The following TBC1D32 variants were observed in gnomAD, a reference collection of about 807,000 sequenced individuals.
TBC1D32 encodes TBC1 domain family member 32.
In TBC1D32, 151 loss-of-function variants were observed where a neutral mutation model predicts 170.3. The ratio of observed to expected loss-of-function variants is 0.89; its 90% CI spans 0.78 to 1.01. TBC1D32 has a LOEUF of 1.01. Ranked by LOEUF, TBC1D32 falls within the 50% of genes least tolerant of loss-of-function variation. TBC1D32 has a pLI of 0.00. For missense variants in TBC1D32, 1,464 were observed against 1,457.1 expected (o/e 1.00, Z -0.08); for synonymous variants, 498 against 488.0 (o/e 1.02, Z -0.27).
chr6:121,108,980 GA>G (rs147976183), intron 29 of TBC1D32, among the ~76,000 whole-genome samples: 202 of 152,128 alleles, frequency 1.3e-3, no homozygotes, highest in African/African-American at 4.7e-3. Context: ...TATAATTCTA[GA>G]TAATATCAAT....
intron 31 of TBC1D32, among the ~76,000 whole-genome samples, chr6:121,086,119 G>C (rs1163630084): frequency 3.9e-5 from 6 of 151,964 alleles, no homozygotes; most frequent in Non-Finnish European, 7.4e-5. Context: ...TCTAGTAGAG[G>C]GATGTAGCAA....
intron 23 of TBC1D32, 85 bp downstream of exon 23, chr6:121,160,862 TA>T (rs1250341596): frequency 1.0e-6 from 1 of 980,178 alleles, no homozygotes; most frequent in African/African-American, 1.6e-5. Context: ...ATTTAAGAGG[TA>T]AAGTTTAGGG....
rs535910060 is a variant in TBC1D32 at position 121,283,008 on chromosome 6, C to A, written c.1465+810G>T. 3.3e-5 allele frequency among the ~76,000 whole-genome samples: 5 copies of A among 151,892 alleles called. No individual in the cohort carries two copies. In the East Asian group the frequency reaches 9.6e-4, roughly 29 times the overall value. ...AGAAGGTACATGTGTCAGCTTGTTA[C>A]ATGGATATACTGAATAATGGTGAGA... On this transcript the variant is annotated intron_variant, in intron 13 of 31. Coordinates refer to ENST00000398212, the MANE Select transcript of TBC1D32 (RefSeq NM_152730.6).
At chr6:121,192,066 T>TTATATATATATATATATATATATATA (rs1554263739) in intron 22 of TBC1D32, among the ~76,000 whole-genome samples, 2 of 122,414 alleles carry the variant, frequency 1.6e-5, no homozygotes, top group African/African-American at 6.9e-5. Context: ...AAACTACCCT[T>TTATATATATATATATATATATATATA]TATATATATA....
chr6:121,080,487 T>G lies in TBC1D32; in HGVS notation c.*284A>C, dbSNP rs555650346. 14 of 267,516 alleles carry G rather than the reference T, an allele frequency of 5.2e-5. No individual in the cohort carries two copies. In the East Asian group the frequency reaches 1.4e-3, roughly 27 times the overall value. The allele number at this position is 267,516 out of a possible 1,614,324, so 16.6% of individuals were successfully genotyped here. ...CCTCAGACTCCCAAAGTGCTGGGATTACAGGCATGAGCCACCGCGCCTGGC... is the reference window on the plus strand; with the variant it reads ...CCTCAGACTCCCAAAGTGCTGGGATGACAGGCATGAGCCACCGCGCCTGGC... On this transcript the variant is annotated 3_prime_UTR_variant, in exon 32 of 32. Transcript: ENST00000398212.
chr6:121,133,027 T>C (rs1047007816), intron 24 of TBC1D32, among the ~76,000 whole-genome samples: 2 of 151,880 alleles, frequency 1.3e-5, no homozygotes, highest in African/African-American at 2.4e-5. Context: ...TTGAAAGAGA[T>C]TTTGATAAAA....
chr6:121,214,177 A>G (rs1324889376), intron 21 of TBC1D32, among the ~76,000 whole-genome samples: 2 of 152,192 alleles, frequency 1.3e-5, no homozygotes, highest in African/African-American at 4.8e-5. Context: ...CAAAACTATA[A>G]AAACCCTGAA....
chr6:121,213,543 TA>T (rs1307434537), intron 21 of TBC1D32, among the ~76,000 whole-genome samples: 2 of 104,188 alleles, frequency 1.9e-5, no homozygotes, highest in Admixed American at 9.5e-5. Flanking sequence ...TAAAATAAAA[TA>T]AAATAAAATA....
intron 22 of TBC1D32, among the ~76,000 whole-genome samples, chr6:121,171,045 GT>G (rs1256697059): frequency 6.6e-6 from 1 of 151,862 alleles, no homozygotes; most frequent in Non-Finnish European, 1.5e-5. Flanking sequence ...CAGAAATCAT[GT>G]GTCTCCTATT....
intron 22 of TBC1D32, among the ~76,000 whole-genome samples, chr6:121,184,670 T>C (rs1174409412): frequency 6.6e-6 from 1 of 151,888 alleles, no homozygotes; most frequent in Non-Finnish European, 1.5e-5. Context: ...CTGGTCATGG[T>C]TTCAATGACA....
intron 22 of TBC1D32, among the ~76,000 whole-genome samples, chr6:121,173,620 C>G (rs1431080432): frequency 6.8e-6 from 1 of 146,928 alleles, no homozygotes; most frequent in African/African-American, 2.6e-5. Context: ...AACCAGAAGT[C>G]ACAAAAAACT....
chr6:121,125,582 C>T (rs73768915), intron 26 of TBC1D32, among the ~76,000 whole-genome samples: 6,207 of 152,072 alleles, frequency 0.041, 281 homozygotes, highest in African/African-American at 0.11. Flanking sequence ...GCTGATACTA[C>T]GCTCCTCAAG....
rs181764191 is a variant in TBC1D32, at chr6:121,084,483, G to A, written c.3655-3593C>T. Among the ~76,000 whole-genome samples, 178 of 152,170 alleles carry A rather than the reference G, an allele frequency of 1.2e-3. 6 individuals carry two copies. The South Asian group carries it at 0.034, about 29-fold the overall frequency. On this transcript the variant is annotated intron_variant, in intron 31 of 31. Transcript: ENST00000398212. ...ACTACAGACATATGATGTTAGGCAT[G>A]GGTTGGCCTATCATGGATTACTGAC...
chr6:121,094,022 G>A (rs1159811190), intron 30 of TBC1D32, among the ~76,000 whole-genome samples: 4 of 151,864 alleles, frequency 2.6e-5, no homozygotes, highest in Non-Finnish European at 5.9e-5. Context: ...TTAAACATAT[G>A]ACCCTCTTTG....
intron 15 of TBC1D32, among the ~76,000 whole-genome samples, chr6:121,276,653 T>C (rs1172781345): frequency 6.6e-6 from 1 of 151,880 alleles, no homozygotes; most frequent in Non-Finnish European, 1.5e-5. Context: ...TCTATAAAAA[T>C]CCCACTTTAC....
intron 12 of TBC1D32, among the ~76,000 whole-genome samples, chr6:121,291,739 A>G (rs905523965): frequency 6.6e-6 from 1 of 152,184 alleles, no homozygotes; most frequent in African/African-American, 2.4e-5. Context: ...AACAAAGGTT[A>G]AGTGATTTTC....
intron 13 of TBC1D32, among the ~76,000 whole-genome samples, chr6:121,282,980 T>C (rs908522199): frequency 7.2e-5 from 11 of 151,954 alleles, no homozygotes; most frequent in African/African-American, 2.6e-4. Flanking sequence ...TTTAAATAGA[T>C]TCAGAAGGTA....
chr6:121,128,815 T>C (rs760218833), intron 25 of TBC1D32, among the ~76,000 whole-genome samples: 3 of 152,224 alleles, frequency 2.0e-5, no homozygotes, highest in African/African-American at 4.8e-5. Flanking sequence ...TGCTATGGTC[T>C]GAAGGTCGGT....
intron 30 of TBC1D32, among the ~76,000 whole-genome samples, chr6:121,103,784 A>C (rs1033568144): frequency 6.6e-6 from 1 of 151,984 alleles, no homozygotes; most frequent in African/African-American, 2.4e-5. Context: ...TGCTTTAGAC[A>C]ATACACATTA....
Sources: gnomAD v4.1 joint callset for allele counts (sites outside exome capture counted in the v4.1 genomes callset) on GRCh38, gnomAD v4.1.1 for gene constraint, MANE v1.5 for transcripts, NCBI Gene and HGNC (gene_info 2026-07-23, HGNC 2026-07-21) for gene names.